The following GPC6 variants were observed in gnomAD, a reference collection of about 807,000 sequenced individuals.
GPC6 encodes the protein glypican-6.
GPC6 carries 14 observed loss-of-function variants against 55.2 expected under a neutral mutation model. The ratio of observed to expected loss-of-function variants is 0.25; its 90% CI spans 0.17 to 0.40. GPC6 has a LOEUF of 0.40. GPC6 is among the 10% of genes least tolerant of loss of function. The pLI is 1.00. For missense variants in GPC6, 641 were observed against 708.5 expected (o/e 0.90, Z 1.08); for synonymous variants, 278 against 259.6 (o/e 1.07, Z -0.68).
chr13:94,001,781 G>T (rs901113281), intron 3 of GPC6, among the ~76,000 whole-genome samples: 2 of 152,106 alleles, frequency 1.3e-5, no homozygotes, highest in Admixed American at 1.3e-4. Context: ...AAAAGAAACT[G>T]CACCAGATGG....
At chr13:93,404,801 ATATT>A (rs973563982) in intron 1 of GPC6, among the ~76,000 whole-genome samples, 8 of 151,080 alleles carry the variant, frequency 5.3e-5, no homozygotes, top group East Asian at 2.0e-4. Context: ...TATCAATCTG[ATATT>A]TATTTATTTA....
intron 2 of GPC6, among the ~76,000 whole-genome samples, chr13:93,780,594 TACACACACACACAC>T (rs35134947): frequency 6.3e-5 from 9 of 143,934 alleles, no homozygotes; most frequent in South Asian, 4.5e-4. Flanking sequence ...ATCACAAAAA[TACACACACACACAC>T]ACACACACAC....
rs115666761 is a variant in GPC6, at chr13:93,724,922, C to T, written c.320-105232C>T. On this transcript the variant is annotated intron_variant, in intron 2 of 8. Transcript: ENST00000377047. ...TTCTCTAAAATGTTTGCTCTTGTTG[C>T]ACTCATGGATTTAAGGTGCTATAGA... Among the ~76,000 whole-genome samples, 552 of 152,016 alleles carry T rather than the reference C, an allele frequency of 3.6e-3. 4 individuals are homozygous for T. The highest frequency in any genetic ancestry group is 0.012 in the African/African-American group (489 of 41,496).
At chr13:94,097,729 G>A (rs2138821018) in intron 4 of GPC6, among the ~76,000 whole-genome samples, 1 of 152,040 alleles carries the variant, frequency 6.6e-6, no homozygotes, top group African/African-American at 2.4e-5. Context: ...AAATTATTAG[G>A]GATTTGGTTA....
At chr13:94,090,432 C>T (rs1247109514) in intron 4 of GPC6, among the ~76,000 whole-genome samples, 3 of 152,072 alleles carry the variant, frequency 2.0e-5, no homozygotes, top group Non-Finnish European at 4.4e-5. Flanking sequence ...CAGCTATAGA[C>T]AAGTCATCTT....
At chr13:93,502,735 C>T (rs2139373535) in intron 1 of GPC6, among the ~76,000 whole-genome samples, 1 of 152,026 alleles carries the variant, frequency 6.6e-6, no homozygotes, top group East Asian at 1.9e-4. Flanking sequence ...AGACAATCAG[C>T]AAAACAATAA....
intron 3 of GPC6, among the ~76,000 whole-genome samples, chr13:93,855,837 G>C (rs930643554): frequency 1.4e-4 from 21 of 151,632 alleles, no homozygotes; most frequent in Admixed American, 1.1e-3. Flanking sequence ...TATGCCATTT[G>C]TATGTCAGTG....
intron 4 of GPC6, among the ~76,000 whole-genome samples, chr13:94,281,966 C>T (rs1461255790): frequency 6.6e-6 from 1 of 152,176 alleles, no homozygotes; most frequent in Non-Finnish European, 1.5e-5. Context: ...AATGCTAAAT[C>T]TGTTAAATAT....
intron 2 of GPC6, among the ~76,000 whole-genome samples, chr13:93,556,098 T>G (rs960975198): frequency 4.6e-5 from 7 of 152,126 alleles, no homozygotes; most frequent in African/African-American, 1.7e-4. Context: ...CTTTTCAATT[T>G]TGACAGTGAA....
chr13:93,344,237 T>A (rs1880358196), intron 1 of GPC6, among the ~76,000 whole-genome samples: 1 of 152,210 alleles, frequency 6.6e-6, no homozygotes, highest in Non-Finnish European at 1.5e-5. Context: ...GCCTCTTTGT[T>A]TTCTGAGTGG....
At chr13:94,372,847 C>T (rs1376306205) in intron 6 of GPC6, among the ~76,000 whole-genome samples, 2 of 152,160 alleles carry the variant, frequency 1.3e-5, no homozygotes, top group East Asian at 1.9e-4. Context: ...GTGGTTCTCC[C>T]AGCAGGCAGC....
intron 2 of GPC6, among the ~76,000 whole-genome samples, chr13:93,620,949 T>C (rs1411117572): frequency 6.6e-6 from 1 of 152,182 alleles, no homozygotes; most frequent in Non-Finnish European, 1.5e-5. Flanking sequence ...GTGATATCTT[T>C]TCCCCCCAGT....
At chr13:93,543,447 T>G (rs2139430877) in intron 1 of GPC6, among the ~76,000 whole-genome samples, 1 of 152,194 alleles carries the variant, frequency 6.6e-6, no homozygotes, top group Non-Finnish European at 1.5e-5. Flanking sequence ...TGAGGATTTT[T>G]GCATCAATGT....
rs548328062 is a variant in GPC6 at position 93,922,669 on chromosome 13, A to C, written c.711+92124A>C. On this transcript the variant is annotated intron_variant, in intron 3 of 8. Coordinates refer to ENST00000377047, the MANE Select transcript of GPC6 (RefSeq NM_005708.5). ...CCTGGGTAGCAAAATCTAAATTTAC[A>C]TAAAGATACATATGGCTAAAATGCA... Among the ~76,000 whole-genome samples the C allele has an allele frequency of 2.0e-5, 3 of 152,328 alleles. No homozygotes were observed. In the South Asian group the frequency reaches 6.2e-4, roughly 32 times the overall value.
At chr13:93,760,779 G>A (rs556539617) in intron 2 of GPC6, among the ~76,000 whole-genome samples, 1 of 152,094 alleles carries the variant, frequency 6.6e-6, no homozygotes, top group East Asian at 1.9e-4. Flanking sequence ...TTCCTTACTG[G>A]ATTTGAAACT....
chr13:93,441,366 G>A (rs1324521990), intron 1 of GPC6, among the ~76,000 whole-genome samples: 2 of 152,050 alleles, frequency 1.3e-5, no homozygotes, highest in African/African-American at 4.8e-5. Context: ...ATTGTTTCCT[G>A]ACTTTTTAAT....
At chr13:94,279,015 C>T (rs1892294029) in intron 4 of GPC6, among the ~76,000 whole-genome samples, 1 of 152,104 alleles carries the variant, frequency 6.6e-6, no homozygotes, top group African/African-American at 2.4e-5. Flanking sequence ...AGAATGGTAC[C>T]AGATCCTCTT....
intron 3 of GPC6, among the ~76,000 whole-genome samples, chr13:93,913,394 G>A (rs566994710): frequency 1.8e-4 from 27 of 152,268 alleles, no homozygotes; most frequent in African/African-American, 5.8e-4. Flanking sequence ...GATGTTGGTG[G>A]TCACTTCTAT....
Position 94,034,248 on chromosome 13 carries a change from G to GGAAAGAAA in GPC6, c.877+6363_877+6370dup, listed in dbSNP as rs1197832622. Among the ~76,000 whole-genome samples, 5 of 92,772 alleles carry GGAAAGAAA rather than the reference G, an allele frequency of 5.4e-5. No homozygotes were observed. The East Asian group carries it at 1.6e-3, about 29-fold the overall frequency. 60.9% of individuals were successfully genotyped at this position (92,772 alleles called of 152,430 possible). A position where few individuals can be genotyped will look rare whatever the true frequency, so the allele number is the denominator to read the frequency against. On this transcript the variant is annotated intron_variant, in intron 4 of 8. Transcript: ENST00000377047. ...AGGAAGGAAGGAAGGAAGGAAGGAA[G>GGAAAGAAA]GAAAGAAAGAAAGAAAAGAGTTGGC... is the stretch of plus-strand genomic sequence containing the variant.
Sources: gnomAD v4.1 joint callset for allele counts (sites outside exome capture counted in the v4.1 genomes callset) on GRCh38, gnomAD v4.1.1 for gene constraint, MANE v1.5 for transcripts, NCBI Gene and HGNC (gene_info 2026-07-23, HGNC 2026-07-21) for gene names.